The following DOCK3 variants were observed in gnomAD, a reference collection of about 807,000 sequenced individuals.
DOCK3 encodes the protein dedicator of cytokinesis protein 3.
DOCK3 carries 60 observed loss-of-function variants against 265.6 expected under a neutral mutation model. That is an observed-to-expected ratio of 0.23 (90% CI 0.18 to 0.28). DOCK3 has a LOEUF of 0.28. DOCK3 is among the 10% of genes least tolerant of loss of function. The probability of loss-of-function intolerance (pLI) is 1.00; values close to 1 mark genes in which losing one functional copy is unlikely to be tolerated. For synonymous variants in DOCK3, 881 were observed against 938.0 expected (o/e 0.94, Z 1.11); for missense variants, 1,981 against 2,594.3 (o/e 0.76, Z 5.14).
chr3:50,724,990 T>C (rs1277890279), intron 1 of DOCK3, among the ~76,000 whole-genome samples: 1 of 31,232 alleles, frequency 3.2e-5, no homozygotes, highest in East Asian at 7.4e-4. Context: ...AGATTCTGTC[T>C]CAAAAAAAAA....
intron 5 of DOCK3, among the ~76,000 whole-genome samples, chr3:51,045,621 C>T (rs367733106): frequency 7.2e-5 from 11 of 152,032 alleles, no homozygotes; most frequent in African/African-American, 2.7e-4. Context: ...TGCAATAAAA[C>T]GAGGTATGCC....
At chr3:50,996,703 G>A (rs771494537) in intron 5 of DOCK3, among the ~76,000 whole-genome samples, 1 of 152,128 alleles carries the variant, frequency 6.6e-6, no homozygotes, top group Admixed American at 6.5e-5. Flanking sequence ...AAGAAAAGAG[G>A]AAATGAGTAG....
chr3:51,203,268 C>G (rs1257732301), intron 12 of DOCK3, among the ~76,000 whole-genome samples: 3 of 152,068 alleles, frequency 2.0e-5, no homozygotes, highest in African/African-American at 7.2e-5. Flanking sequence ...TCTAGAAAAC[C>G]CCATTGTCTC....
chr3:50,882,821 T>C lies in DOCK3; in HGVS notation c.163-7205T>C, dbSNP rs150462810. ...TGCTATAAAGACACATGCACACATA[T>C]GTTTATTGCAGCACTATTCACAATA... On this transcript the variant is annotated intron_variant, in intron 3 of 52. Transcript: ENST00000266037. Among the ~76,000 whole-genome samples, 9 of 152,340 alleles carry C rather than the reference T, an allele frequency of 5.9e-5. No individual in the cohort carries two copies. The East Asian group carries it at 1.5e-3, about 26-fold the overall frequency.
At position 51,382,990 on chromosome 3, in the gene DOCK3, A is replaced by C. The variant is rs4441646; in HGVS notation, c.*1431A>C. 25,278 of 151,994 alleles carry C rather than the reference A, an allele frequency of 0.17. 2,493 individuals are homozygous for C. Among genetic ancestry groups the C allele is most frequent in the South Asian group, 0.35 (1,681 of 4,812 alleles). 9.4% of individuals were successfully genotyped at this position (151,994 alleles called of 1,614,324 possible). ...ATATTTTTTTTCTTTTATTTGCTCG[A>C]GTTCACATTAATGATGGTCACAAGG... On this transcript the variant is annotated 3_prime_UTR_variant, in exon 53 of 53. Transcript: ENST00000266037.
intron 38 of DOCK3, among the ~76,000 whole-genome samples, chr3:51,346,172 G>T (rs1340644391): frequency 1.3e-5 from 2 of 152,238 alleles, no homozygotes; most frequent in South Asian, 4.2e-4. Flanking sequence ...TTAAGTTCTA[G>T]GGTACATGTG....
At chr3:50,885,260 T>C (rs1192393410) in intron 3 of DOCK3, among the ~76,000 whole-genome samples, 1 of 152,182 alleles carries the variant, frequency 6.6e-6, no homozygotes, top group Non-Finnish European at 1.5e-5. Flanking sequence ...TTTCATTGTA[T>C]GGATGTGCTA....
intron 1 of DOCK3, among the ~76,000 whole-genome samples, chr3:50,727,331 T>A (rs952121890): frequency 5.9e-5 from 9 of 152,226 alleles, no homozygotes; most frequent in Non-Finnish European, 1.2e-4. Flanking sequence ...AAATCTGTTA[T>A]GTCTGTATTA....
rs1443663114 is a variant in DOCK3, at chr3:51,019,438, C to T, written c.316-45010C>T. ...TCTCTTTCCAGATTCTGTTTTATTT[C>T]ATTAGTTTATTTATAGATTCTATTT... On this transcript the variant is annotated intron_variant, in intron 5 of 52. Coordinates refer to ENST00000266037, the MANE Select transcript of DOCK3 (RefSeq NM_004947.5). 2.6e-5 allele frequency among the ~76,000 whole-genome samples: 4 copies of T among 151,884 alleles called. No homozygotes were observed. In the East Asian group the frequency reaches 5.8e-4, roughly 22 times the overall value.
At chr3:51,356,813 C>A in intron 43 of DOCK3, 149 bp from the exon 44 acceptor site, 1 of 933,348 alleles carries the variant, frequency 1.1e-6, no homozygotes, top group Non-Finnish European at 1.6e-6. Context: ...ATAAATCAGA[C>A]AACAGAAGTG....
At chr3:50,977,164 G>T (rs2077483453) in intron 5 of DOCK3, among the ~76,000 whole-genome samples, 1 of 151,432 alleles carries the variant, frequency 6.6e-6, no homozygotes, top group African/African-American at 2.4e-5. Flanking sequence ...ATATTGTTAT[G>T]TGTGAATTTG....
At chr3:51,031,521 T>C (rs1366663194) in intron 5 of DOCK3, among the ~76,000 whole-genome samples, 1 of 152,238 alleles carries the variant, frequency 6.6e-6, no homozygotes, top group Non-Finnish European at 1.5e-5. Flanking sequence ...CCCTTTATCC[T>C]GATTTTACCA....
At chr3:50,925,164 A>G (rs1403109999) in intron 4 of DOCK3, among the ~76,000 whole-genome samples, 1 of 152,200 alleles carries the variant, frequency 6.6e-6, no homozygotes, top group Non-Finnish European at 1.5e-5. Context: ...TAATTCAGCA[A>G]TCCTTAGGAT....
chr3:51,048,787 C>A (rs2080871745), intron 5 of DOCK3, among the ~76,000 whole-genome samples: 1 of 151,608 alleles, frequency 6.6e-6, no homozygotes, highest in South Asian at 2.1e-4. Flanking sequence ...GGTGTGAACC[C>A]AGGAGGCAGA....
At chr3:51,104,712 A>G (rs2083212683) in intron 9 of DOCK3, among the ~76,000 whole-genome samples, 2 of 152,140 alleles carry the variant, frequency 1.3e-5, no homozygotes, top group Non-Finnish European at 2.9e-5. Flanking sequence ...AGAAAAATAT[A>G]TAAACAACAA....
intron 6 of DOCK3, among the ~76,000 whole-genome samples, chr3:51,073,302 A>G (rs2081950549): frequency 1.1e-5 from 1 of 91,932 alleles, no homozygotes; most frequent in Non-Finnish European, 2.1e-5. Context: ...TTGAAATTAT[A>G]TCTGCAAAAT....
At chr3:51,205,985 A>C (rs1459280399) in intron 12 of DOCK3, among the ~76,000 whole-genome samples, 1 of 152,196 alleles carries the variant, frequency 6.6e-6, no homozygotes, top group Admixed American at 6.5e-5. Flanking sequence ...AGTTTCTTTC[A>C]AGCATACTTC....
intron 1 of DOCK3, among the ~76,000 whole-genome samples, chr3:50,731,378 A>G (rs1021254710): frequency 1.3e-5 from 2 of 152,284 alleles, no homozygotes; most frequent in African/African-American, 4.8e-5. Flanking sequence ...AATGTAAACT[A>G]TGGACTTTGT....
intron 9 of DOCK3, among the ~76,000 whole-genome samples, chr3:51,106,798 T>C (rs1388081258): frequency 2.6e-5 from 4 of 152,188 alleles, no homozygotes; most frequent in Admixed American, 1.3e-4. Context: ...CCCCCAGCCA[T>C]ACTTCAAATG....
Sources: gnomAD v4.1 joint callset for allele counts (sites outside exome capture counted in the v4.1 genomes callset) on GRCh38, gnomAD v4.1.1 for gene constraint, MANE v1.5 for transcripts, NCBI Gene and HGNC (gene_info 2026-07-23, HGNC 2026-07-21) for gene names.